The following CFAP92 variants were observed in gnomAD, a reference collection of about 807,000 sequenced individuals.
CFAP92 encodes the protein uncharacterized protein CFAP92.
In CFAP92, 86 loss-of-function variants were observed where a neutral mutation model predicts 106.3. That is an observed-to-expected ratio of 0.81 (90% CI 0.68 to 0.97). The LOEUF (loss-of-function observed/expected upper bound fraction) is 0.97. CFAP92 is among the 50% of genes least tolerant of loss of function. CFAP92 has a pLI of 0.00. For missense variants in CFAP92, 1,204 were observed against 1,283.8 expected (o/e 0.94, Z 0.95); for synonymous variants, 477 against 506.4 (o/e 0.94, Z 0.78).
In CFAP92 at chr3:128,910,222, G is replaced by C; in HGVS notation, c.*77C>G. ...CTGCTGCACTTTAATGAAGTTGATT[G>C]TTGAGGAGGGTGTGGTCGGGTGTGG... On this transcript the variant is annotated 3_prime_UTR_variant, in exon 16 of 16. Coordinates refer to ENST00000645291, the MANE Select transcript of CFAP92 (RefSeq NM_001394090.1). The C allele has an allele frequency of 1.9e-6, 3 of 1,606,870 alleles. No individual in the cohort carries two copies. Among genetic ancestry groups the C allele is most frequent in the Non-Finnish European group, 2.5e-6 (3 of 1,178,070 alleles).
In CFAP92 at chr3:128,988,910, C is replaced by T. The variant is rs1432256774; in HGVS notation, c.271G>A (p.Gly91Arg). Residue 91 changes from glycine to arginine, a missense_variant, in exon 3 of 16, where the codon GGA becomes AGA. Gly to Arg is a moderately radical substitution (Grantham distance 125). Transcript: ENST00000645291. ...LAFPVNMGQK[G>R]KYASLIEKYK... The stretch of plus-strand genomic sequence containing the variant: ...TTTTCAATCAAACTTGCATATTTTC[C>T]CTTCTGACCTTGAAGATACAGATTG... 1 of 1,611,476 alleles carries T rather than the reference C, an allele frequency of 6.2e-7. No individual in the cohort carries two copies.
intron 2 of CFAP92, chr3:128,991,821 A>G: frequency 1.0e-6 from 1 of 988,874 alleles, no homozygotes; most frequent in African/African-American, 1.7e-5. Context: ...AGTTGAAATC[A>G]TAATGGTGGG....
chr3:128,987,809 T>A lies in CFAP92; in HGVS notation c.474A>T (p.Glu158Asp), dbSNP rs1187046712. 3 of 1,611,256 alleles carry A rather than the reference T, an allele frequency of 1.9e-6. No homozygotes were observed. The highest frequency in any genetic ancestry group is 2.2e-5 in the South Asian group (2 of 90,744). ...CCCACGACACCCAGGCTTTGTCACCTTCGTGCCACGGCTTCACAGTCTGTG... is the reference window on the plus strand; with the variant it reads ...CCCACGACACCCAGGCTTTGTCACCATCGTGCCACGGCTTCACAGTCTGTG... ...SGVKTVKPWH[E>D]GDKAWVSWEQ... Residue 158 changes from glutamate (E) to aspartate (D), a missense_variant, in exon 4 of 16, where the codon GAA becomes GAT. By Grantham distance (45) the Glu-to-Asp change is conservative. Transcript: ENST00000645291.
upstream of CFAP92, among the ~76,000 whole-genome samples, chr3:129,006,469 C>T (rs1945080700): frequency 6.6e-6 from 1 of 152,190 alleles, no homozygotes; most frequent in South Asian, 2.1e-4. Context: ...ATGCATGCCA[C>T]CATGCCCAGG....
rs145930560 is a variant in CFAP92 at position 128,963,517 on chromosome 3, C to T, written c.1353+1994G>A. 4.0e-3 allele frequency among the ~76,000 whole-genome samples: 607 copies of T among 152,016 alleles called. 3 individuals are homozygous for T. Among genetic ancestry groups the T allele is most frequent in the African/African-American group, 0.014 (568 of 41,470 alleles). On this transcript the variant is annotated intron_variant, in intron 9 of 15. Coordinates refer to ENST00000645291, the MANE Select transcript of CFAP92 (RefSeq NM_001394090.1). Reference sequence around the variant, plus strand: ...ACTCTTTAAGTCTCACAATTACCATCGTTCCTGGCCCGGACTTCAATCTGG... The same window carrying T: ...ACTCTTTAAGTCTCACAATTACCATTGTTCCTGGCCCGGACTTCAATCTGG...
chr3:128,918,149 CTTAGGT>C (rs1936968880), intron 12 of CFAP92, among the ~76,000 whole-genome samples: 1 of 152,156 alleles, frequency 6.6e-6, no homozygotes, highest in Non-Finnish European at 1.5e-5. Flanking sequence ...GTTTAAAGGC[CTTAGGT>C]TTTACATAAA....
chr3:128,940,128 G>A (rs1339908882), intron 10 of CFAP92, among the ~76,000 whole-genome samples: 1 of 152,182 alleles, frequency 6.6e-6, no homozygotes, highest in Non-Finnish European at 1.5e-5. Flanking sequence ...GAATGTCATG[G>A]TGTTTCATTC....
chr3:128,977,067 C>T lies in CFAP92; in HGVS notation c.809-1G>A. 1.2e-6 allele frequency: 2 copies of T among 1,613,062 alleles called. No homozygotes were observed. The highest frequency in any genetic ancestry group is 1.7e-6 in the Non-Finnish European group (2 of 1,179,164). On this transcript the variant is annotated splice_acceptor_variant, in intron 5 of 15. Coordinates refer to ENST00000645291, the MANE Select transcript of CFAP92 (RefSeq NM_001394090.1). LOFTEE classifies it high-confidence loss of function. The stretch of plus-strand genomic sequence containing the variant: ...GTTTCGGGCTCTGCTTGGTGAGAAC[C>T]TGAAAACAGTAGCAAATATTTCCAA...
In CFAP92 at chr3:128,945,462, C is replaced by T. The variant is rs1303556040; in HGVS notation, c.1867G>A (p.Gly623Ser). The T allele has an allele frequency of 2.6e-6, 4 of 1,536,136 alleles. No individual in the cohort carries two copies. The highest frequency in any genetic ancestry group is 3.5e-6 in the Non-Finnish European group (4 of 1,146,908). ...TGGGAGTCAGCCTCTAGGTAGTTGCCCCTGGGCATTGGGCCGTGCTGGTGG... is the reference window on the plus strand; with the variant it reads ...TGGGAGTCAGCCTCTAGGTAGTTGCTCCTGGGCATTGGGCCGTGCTGGTGG... ...DGHQHGPMPR[G>S]NYLEADSQLK... Residue 623 changes from glycine (G) to serine (S), a missense_variant, in exon 10 of 16, where the codon GGC (glycine) becomes AGC (serine). Transcript: ENST00000645291.
At position 128,978,163 on chromosome 3, in the gene CFAP92, A is replaced by G; in HGVS notation, c.690T>C (p.Asn230=). 1.2e-6 allele frequency: 2 copies of G among 1,613,630 alleles called. No homozygotes were observed. The highest frequency in any genetic ancestry group is 1.7e-6 in the Non-Finnish European group (2 of 1,179,678). ...HKSEVRHLVL[N]QRKLSEQGIE... Reference sequence around the variant, plus strand: ...TGCCCTGTTCAGATAATTTTCTCTGATTTAAAACCAAATGTCTCACTTCTA... The same window carrying G: ...TGCCCTGTTCAGATAATTTTCTCTGGTTTAAAACCAAATGTCTCACTTCTA... Residue 230 remains asparagine (N), a synonymous_variant, in exon 5 of 16, where the codon AAT becomes AAC. Coordinates refer to ENST00000645291, the MANE Select transcript of CFAP92 (RefSeq NM_001394090.1).
intron 9 of CFAP92, among the ~76,000 whole-genome samples, chr3:128,948,403 T>A (rs1455939819): frequency 1.5e-5 from 2 of 133,308 alleles, no homozygotes; most frequent in Non-Finnish European, 3.0e-5. Flanking sequence ...TTTTTTTTTT[T>A]TGTAGAGACA....
At chr3:128,947,014 T>C (rs1403036356) in intron 9 of CFAP92, among the ~76,000 whole-genome samples, 1 of 152,136 alleles carries the variant, frequency 6.6e-6, no homozygotes, top group Non-Finnish European at 1.5e-5. Context: ...CAACCAGATT[T>C]TCTCTGTAAA....
chr3:128,942,470 C>T (rs999951471), intron 10 of CFAP92, among the ~76,000 whole-genome samples: 1 of 152,176 alleles, frequency 6.6e-6, no homozygotes, highest in Non-Finnish European at 1.5e-5. Context: ...CCTGATTCTG[C>T]ATGACCCAAA....
chr3:128,979,817 C>T (rs370042307), intron 4 of CFAP92, among the ~76,000 whole-genome samples: 14 of 151,204 alleles, frequency 9.3e-5, no homozygotes, highest in South Asian at 2.1e-4. Context: ...GGAAGGGGGA[C>T]GGATAGCATT....
At chr3:128,934,509 G>A (rs1192708096) in intron 11 of CFAP92, among the ~76,000 whole-genome samples, 2 of 151,994 alleles carry the variant, frequency 1.3e-5, no homozygotes, top group East Asian at 3.9e-4. Flanking sequence ...ATGAGCCACC[G>A]CATCCGGCCT....
intron 10 of CFAP92, among the ~76,000 whole-genome samples, chr3:128,938,958 G>C (rs1323898030): frequency 6.6e-6 from 1 of 152,166 alleles, no homozygotes; most frequent in Non-Finnish European, 1.5e-5. Flanking sequence ...TAGAACCAGT[G>C]AGTTTCAGCA....
At chr3:128,934,354 G>A (rs1280625904) in intron 11 of CFAP92, among the ~76,000 whole-genome samples, 1 of 152,056 alleles carries the variant, frequency 6.6e-6, no homozygotes, top group Non-Finnish European at 1.5e-5. Context: ...CGAGTAGCTG[G>A]GATTACAGGC....
At chr3:128,941,198 T>G (rs1245835735) in intron 10 of CFAP92, among the ~76,000 whole-genome samples, 1 of 152,178 alleles carries the variant, frequency 6.6e-6, no homozygotes, top group Admixed American at 6.5e-5. Context: ...TTTTAAAAAT[T>G]AGTTTTTGTA....
rs1192216340 is a variant in CFAP92, at chr3:128,975,898, C to T, written c.902G>A (p.Ser301Asn). ...KMDDSSTIQW[S>N]VSRTPTISLA... ...AGAAATGGTTGGTGTTCTTGAAACACTCCATCTAGAAAATTCACAAAGAGA... is the reference window on the plus strand; with the variant it reads ...AGAAATGGTTGGTGTTCTTGAAACATTCCATCTAGAAAATTCACAAAGAGA... The change falls in exon 7 of 16, where the codon AGT becomes AAT. Residue 301 changes from serine to asparagine, a missense_variant. Ser to Asn is a conservative substitution (Grantham distance 46). Transcript: ENST00000645291. 2.5e-6 allele frequency: 4 copies of T among 1,597,998 alleles called. No individual in the cohort carries two copies. The highest frequency in any genetic ancestry group is 3.4e-6 in the Non-Finnish European group (4 of 1,175,036).
Sources: gnomAD v4.1 joint callset for allele counts (sites outside exome capture counted in the v4.1 genomes callset) on GRCh38, gnomAD v4.1.1 for gene constraint, MANE v1.5 for transcripts, NCBI Gene and HGNC (gene_info 2026-07-23, HGNC 2026-07-21) for gene names.